Variants in PPP1R9A observed in about 807,000 individuals in gnomAD.
PPP1R9A encodes protein phosphatase 1 regulatory subunit 9A.
A neutral mutation model predicts 141.9 loss-of-function variants in PPP1R9A; 59 were observed. That is an observed-to-expected ratio of 0.42 (90% confidence interval 0.34 to 0.52). The LOEUF (loss-of-function observed/expected upper bound fraction) is 0.52. PPP1R9A is among the 20% of genes least tolerant of loss of function. The pLI is 0.10. For synonymous variants in PPP1R9A, 500 were observed against 569.7 expected (o/e 0.88, Z 1.74); for missense variants, 1,444 against 1,611.9 (o/e 0.90, Z 1.78).
chr7:95,234,339 C>A (rs983778485), intron 8 of PPP1R9A, among the ~76,000 whole-genome samples: 1 of 152,136 alleles, frequency 6.6e-6, no homozygotes, highest in Non-Finnish European at 1.5e-5. Context: ...TTTCAGGATA[C>A]AAAATTAATG....
At chr7:95,197,701 T>G (rs1836485652) in intron 5 of PPP1R9A, among the ~76,000 whole-genome samples, 1 of 152,140 alleles carries the variant, frequency 6.6e-6, no homozygotes, top group Non-Finnish European at 1.5e-5. Context: ...CAGGCTGGAG[T>G]GCAGTGGCGC....
chr7:95,252,120 C>T lies in PPP1R9A; in HGVS notation c.2655C>T (p.Gly885=). ...LDGKQTSCQD[G]LSQDLNEAVP... is the part of the protein sequence containing the mutation. ...GCAAGCAGACATCTTGCCAAGATGGCCTAAGTCAAGGTTTGTTTAACCCAA... is the reference window on the plus strand; with the variant it reads ...GCAAGCAGACATCTTGCCAAGATGGTCTAAGTCAAGGTTTGTTTAACCCAA... The change falls in exon 12 of 20, where the codon GGC becomes GGT. Residue 885 remains glycine, a synonymous_variant. Coordinates refer to ENST00000433360, the MANE Select transcript of PPP1R9A (RefSeq NM_001166160.2). 6.3e-7 allele frequency: 1 copy of T among 1,590,764 alleles called. No individual in the cohort carries two copies. Among genetic ancestry groups the T allele is most frequent in the Non-Finnish European group, 8.5e-7 (1 of 1,172,908 alleles).
intron 7 of PPP1R9A, among the ~76,000 whole-genome samples, chr7:95,224,285 G>T (rs1794841801): frequency 6.6e-6 from 1 of 152,100 alleles, no homozygotes; most frequent in African/African-American, 2.4e-5. Flanking sequence ...TATATTTGGG[G>T]AAAGTAAAGG....
At chr7:95,021,255 G>T (rs1316031189) in intron 2 of PPP1R9A, among the ~76,000 whole-genome samples, 2 of 151,414 alleles carry the variant, frequency 1.3e-5, no homozygotes, top group Non-Finnish European at 2.9e-5. Flanking sequence ...ATGTTTGTTG[G>T]CCGCATAAAT....
At chr7:95,188,840 A>C (rs907682588) in intron 5 of PPP1R9A, among the ~76,000 whole-genome samples, 1 of 151,836 alleles carries the variant, frequency 6.6e-6, no homozygotes, top group African/African-American at 2.4e-5. Context: ...ATAGTGATCC[A>C]TCTGCCTCAG....
At chr7:95,026,941 G>A (rs563980921) in intron 2 of PPP1R9A, among the ~76,000 whole-genome samples, 167 of 152,194 alleles carry the variant, frequency 1.1e-3, no homozygotes, top group African/African-American at 3.9e-3. Context: ...CCCCCACCAA[G>A]CTTGAGTGTC....
intron 2 of PPP1R9A, among the ~76,000 whole-genome samples, chr7:95,109,826 G>T (rs1434226990): frequency 6.7e-6 from 1 of 150,290 alleles, no homozygotes; most frequent in African/African-American, 2.5e-5. Flanking sequence ...TGCAGAGCAA[G>T]ACCCTATCTC....
At chr7:95,112,576 A>C (rs1056498594) in intron 3 of PPP1R9A, among the ~76,000 whole-genome samples, 3 of 152,224 alleles carry the variant, frequency 2.0e-5, no homozygotes, top group African/African-American at 7.2e-5. Context: ...CCAAAGGAAA[A>C]GAAATGGTAT....
At chr7:95,174,425 G>A (rs1476748112) in intron 5 of PPP1R9A, among the ~76,000 whole-genome samples, 1 of 152,092 alleles carries the variant, frequency 6.6e-6, no homozygotes, top group East Asian at 1.9e-4. Context: ...GTTCTATATT[G>A]TGATTACTGT....
At chr7:94,956,651 T>G (rs1527678) in intron 2 of PPP1R9A, among the ~76,000 whole-genome samples, 11,361 of 151,990 alleles carry the variant, frequency 0.075, 532 homozygotes, top group East Asian at 0.17. Flanking sequence ...AAGGCTGCAG[T>G]GAGCTATGAT....
chr7:94,931,657 C>T (rs142841209), intron 2 of PPP1R9A, among the ~76,000 whole-genome samples: 2,061 of 152,272 alleles, frequency 0.014, 54 homozygotes, highest in African/African-American at 0.048. Flanking sequence ...CGGCTCACCG[C>T]AACCTCCACC....
At chr7:95,045,832 C>T (rs1331514643) in intron 2 of PPP1R9A, among the ~76,000 whole-genome samples, 3 of 152,216 alleles carry the variant, frequency 2.0e-5, no homozygotes, top group East Asian at 1.9e-4. Flanking sequence ...CTGCCCTGCT[C>T]ATGCCTAACT....
intron 2 of PPP1R9A, among the ~76,000 whole-genome samples, chr7:94,952,782 A>G (rs1246890011): frequency 6.6e-6 from 1 of 150,706 alleles, no homozygotes; most frequent in Non-Finnish European, 1.5e-5. Context: ...CATATCCTTC[A>G]CCTACTTTTT....
chr7:95,190,852 T>C lies in PPP1R9A; in HGVS notation c.1755-7497T>C, dbSNP rs76228476. 1.4e-3 allele frequency among the ~76,000 whole-genome samples: 209 copies of C among 152,346 alleles called. 2 individuals are homozygous for C. Among genetic ancestry groups the C allele is most frequent in the Middle Eastern group, 0.01 (3 of 294 alleles). On this transcript the variant is annotated intron_variant, in intron 5 of 19. Transcript: ENST00000433360. ...TCTGTCTGTCCAAGTGGGAGCTGCA[T>C]GTCAGCCCTGTCTCCTGTCTGCCAT...
chr7:95,266,411 C>G (rs1225017587), intron 12 of PPP1R9A, among the ~76,000 whole-genome samples: 1 of 151,786 alleles, frequency 6.6e-6, no homozygotes, highest in Non-Finnish European at 1.5e-5. Context: ...AATGAGTTTC[C>G]TAGACTAGTC....
At chr7:95,051,941 G>A (rs1810872650) in intron 2 of PPP1R9A, among the ~76,000 whole-genome samples, 1 of 151,316 alleles carries the variant, frequency 6.6e-6, no homozygotes, top group Non-Finnish European at 1.5e-5. Context: ...CAGGGTTCAA[G>A]TGATTCTCCT....
At chr7:95,178,914 C>A (rs1329795263) in intron 5 of PPP1R9A, among the ~76,000 whole-genome samples, 1 of 151,992 alleles carries the variant, frequency 6.6e-6, no homozygotes, top group Non-Finnish European at 1.5e-5. Context: ...ATGTCCAGGA[C>A]CAGAGAGATT....
chr7:95,015,064 T>C (rs1333608668), intron 2 of PPP1R9A, among the ~76,000 whole-genome samples: 1 of 152,082 alleles, frequency 6.6e-6, no homozygotes, highest in African/African-American at 2.4e-5. Context: ...TGTCTAGGAA[T>C]AATCCATTTT....
intron 2 of PPP1R9A, among the ~76,000 whole-genome samples, chr7:95,037,771 A>G (rs987899716): frequency 2.0e-5 from 3 of 152,108 alleles, no homozygotes; most frequent in Admixed American, 2.0e-4. Context: ...TTAGATATTG[A>G]GTCTCCCAGT....
Sources: gnomAD v4.1 joint callset for allele counts (sites outside exome capture counted in the v4.1 genomes callset) on GRCh38, gnomAD v4.1.1 for gene constraint, MANE v1.5 for transcripts, NCBI Gene and HGNC (gene_info 2026-07-23, HGNC 2026-07-21) for gene names.